Variants in ROBO2 observed in about 807,000 individuals in gnomAD.
ROBO2 encodes roundabout guidance receptor 2.
A neutral mutation model predicts 160.8 loss-of-function variants in ROBO2; 53 were observed. That is an observed-to-expected ratio of 0.33 (90% CI 0.26 to 0.41). The LOEUF is 0.41. ROBO2 is among the 10% of genes least tolerant of loss of function. The pLI, the probability that ROBO2 is intolerant of heterozygous loss-of-function variation, is 1.00. For synonymous variants in ROBO2, 664 were observed against 611.7 expected, an observed-to-expected ratio of 1.09 and a Z score of -1.26; for missense variants, 1,577 against 1,722.4, an observed-to-expected ratio of 0.92 and a Z score of 1.49.
chr3:75,942,422 A>C (rs945169990), intron 2 of ROBO2, among the ~76,000 whole-genome samples: 3 of 152,180 alleles, frequency 2.0e-5, no homozygotes, highest in Non-Finnish European at 2.9e-5. Context: ...GCTGTATAAT[A>C]GAAGTCAGTG....
intron 2 of ROBO2, among the ~76,000 whole-genome samples, chr3:76,272,795 T>TATATATAAA (rs778097722): frequency 0.59 from 23,402 of 39,948 alleles, 8,331 homozygotes; most frequent in Non-Finnish European, 0.78. Context: ...ATAAAATATA[T>TATATATAAA]ATATATAAAA....
At chr3:76,623,459 C>T (rs1457737410) in intron 2 of ROBO2, among the ~76,000 whole-genome samples, 2 of 152,142 alleles carry the variant, frequency 1.3e-5, no homozygotes, top group Non-Finnish European at 2.9e-5. Context: ...CTATTACATG[C>T]TTTATGTGCT....
chr3:76,875,626 T>A (rs921788116), intron 2 of ROBO2, among the ~76,000 whole-genome samples: 2 of 152,070 alleles, frequency 1.3e-5, no homozygotes, highest in Non-Finnish European at 2.9e-5. Flanking sequence ...AACTCTATCA[T>A]ACTTCCTTTT....
intron 1 of ROBO2, among the ~76,000 whole-genome samples, chr3:75,922,817 G>A (rs377698314): frequency 7.8e-4 from 118 of 152,114 alleles, no homozygotes; most frequent in African/African-American, 2.7e-3. Context: ...TAATAAATAG[G>A]TATTCGTATT....
chr3:76,038,375 G>GT (rs1277643536), intron 2 of ROBO2, among the ~76,000 whole-genome samples: 2 of 151,944 alleles, frequency 1.3e-5, no homozygotes, highest in African/African-American at 2.4e-5. Context: ...GTAGGATCTG[G>GT]TAATGAACAA....
At chr3:76,108,386 A>G (rs2070049208) in intron 2 of ROBO2, among the ~76,000 whole-genome samples, 3 of 152,040 alleles carry the variant, frequency 2.0e-5, no homozygotes, top group African/African-American at 4.8e-5. Flanking sequence ...GAATATCATC[A>G]CTGTAACTCT....
intron 2 of ROBO2, among the ~76,000 whole-genome samples, chr3:76,161,214 GA>G (rs2072622745): frequency 6.6e-6 from 1 of 151,890 alleles, no homozygotes; most frequent in African/African-American, 2.4e-5. Flanking sequence ...AGAAGGGGGT[GA>G]AAAAGTCAAA....
At chr3:76,492,308 G>T (rs2079873969) in intron 2 of ROBO2, among the ~76,000 whole-genome samples, 1 of 152,080 alleles carries the variant, frequency 6.6e-6, no homozygotes, top group Non-Finnish European at 1.5e-5. Context: ...AATTAGCTTT[G>T]TTGATCAAAA....
chr3:76,397,521 A>T (rs2077531332), intron 2 of ROBO2, among the ~76,000 whole-genome samples: 1 of 151,836 alleles, frequency 6.6e-6, no homozygotes, highest in Non-Finnish European at 1.5e-5. Flanking sequence ...AGAAACTACC[A>T]TCAGAGTGAA....
At chr3:77,425,385 CAT>C (rs1040821873) in intron 2 of ROBO2, among the ~76,000 whole-genome samples, 29 of 152,072 alleles carry the variant, frequency 1.9e-4, no homozygotes, top group Admixed American at 1.4e-3. Context: ...AAAGAAAAAA[CAT>C]AGCTTGAGAT....
chr3:77,277,230 G>GTCTTTCTTTCTTTCTT (rs55905700), intron 2 of ROBO2, among the ~76,000 whole-genome samples: 12 of 96,860 alleles, frequency 1.2e-4, no homozygotes, highest in African/African-American at 5.6e-4. Context: ...TTTCTTTCTT[G>GTCTTTCTTTCTTTCTT]TCTTTCTTTC....
intron 2 of ROBO2, among the ~76,000 whole-genome samples, chr3:76,650,060 C>T (rs1394590375): frequency 2.0e-5 from 3 of 152,048 alleles, no homozygotes; most frequent in South Asian, 2.1e-4. Flanking sequence ...ATATTTCAAC[C>T]TTCTCACCCA....
chr3:76,682,404 A>C (rs894368169), intron 2 of ROBO2, among the ~76,000 whole-genome samples: 3 of 127,638 alleles, frequency 2.4e-5, no homozygotes, highest in African/African-American at 1.0e-4. Flanking sequence ...TGTTCTAAAA[A>C]TAGTCTATTA....
At chr3:77,403,782 T>G (rs191191483) in intron 2 of ROBO2, among the ~76,000 whole-genome samples, 43 of 152,228 alleles carry the variant, frequency 2.8e-4, no homozygotes, top group African/African-American at 1.0e-3. Flanking sequence ...GATTGTTGGA[T>G]CATATGGAAC....
chr3:76,542,942 T>C (rs1478303879), intron 2 of ROBO2, among the ~76,000 whole-genome samples: 1 of 152,198 alleles, frequency 6.6e-6, no homozygotes, highest in Non-Finnish European at 1.5e-5. Context: ...CATTCCTTCC[T>C]AGGGTCAGTT....
rs189842760 is a variant in ROBO2, at chr3:77,190,905, G to C, written c.388+92565G>C. Among the ~76,000 whole-genome samples the C allele has an allele frequency of 2.0e-5, 3 of 152,096 alleles. No individual in the cohort carries two copies. In the East Asian group the frequency reaches 5.8e-4, roughly 29 times the overall value. On this transcript the variant is annotated intron_variant, in intron 2 of 25. Coordinates refer to ENST00000461745, the Ensembl canonical transcript of ROBO2. ...AGGTAACCTTTTTAAAAGGTGAATA[G>C]TCCTGCTGGCAAGAAACATAAATAT...
intron 2 of ROBO2, among the ~76,000 whole-genome samples, chr3:77,111,992 G>A (rs931307153): frequency 6.6e-6 from 1 of 151,788 alleles, no homozygotes; most frequent in Admixed American, 6.6e-5. Flanking sequence ...TGGGCGGGTC[G>A]CTTGAGCCCA....
intron 2 of ROBO2, among the ~76,000 whole-genome samples, chr3:76,912,318 A>T (rs2076041557): frequency 6.6e-6 from 1 of 152,190 alleles, no homozygotes; most frequent in African/African-American, 2.4e-5. Context: ...TTATATTCAG[A>T]AATAAGATAC....
intron 2 of ROBO2, among the ~76,000 whole-genome samples, chr3:76,199,348 G>T (rs1702410482): frequency 6.6e-6 from 1 of 151,990 alleles, no homozygotes; most frequent in Non-Finnish European, 1.5e-5. Flanking sequence ...TAGAAAAATG[G>T]GTACCTTGGT....
Sources: gnomAD v4.1 joint callset for allele counts (sites outside exome capture counted in the v4.1 genomes callset) on GRCh38, gnomAD v4.1.1 for gene constraint, MANE v1.5 for transcripts, NCBI Gene and HGNC (gene_info 2026-07-23, HGNC 2026-07-21) for gene names.